SLC8A1: variants seen among roughly 807,000 people sequenced by gnomAD.
SLC8A1 encodes solute carrier family 8 member A1, also known as sodium/calcium exchanger 1.
SLC8A1 carries 18 observed loss-of-function variants against 68.3 expected under a neutral mutation model. That is an observed-to-expected ratio of 0.26 (90% CI 0.18 to 0.39). The LOEUF (loss-of-function observed/expected upper bound fraction) is 0.39. SLC8A1 is among the 10% of genes least tolerant of loss of function. The pLI, the probability that SLC8A1 is intolerant of heterozygous loss-of-function variation, is 1.00. For missense variants in SLC8A1, 985 were observed against 1,156.7 expected, an observed-to-expected ratio of 0.85 and a Z score of 2.15; for synonymous variants, 475 against 415.5, an observed-to-expected ratio of 1.14 and a Z score of -1.74.
At chr2:40,111,173 ACACT>A (rs1440946725) in exon 8 of SLC8A1, 1 of 152,178 alleles carries the variant, frequency 6.6e-6, no homozygotes, top group Non-Finnish European at 1.5e-5. Context: ...ATTTTATAAA[ACACT>A]CACTGGTTGA....
At chr2:40,104,057 T>C (rs2034055940) in exon 8 of SLC8A1, 1 of 152,232 alleles carries the variant, frequency 6.6e-6, no homozygotes. Context: ...TTCCTCACCC[T>C]CTGAAACAAT....
chr2:40,122,862 C>A (rs567583916), intron 7 of SLC8A1, among the ~76,000 whole-genome samples: 1 of 152,126 alleles, frequency 6.6e-6, no homozygotes, highest in African/African-American at 2.4e-5. Context: ...TGAATGTTTG[C>A]ACTTTATGGA....
intron 7 of SLC8A1, among the ~76,000 whole-genome samples, chr2:40,122,202 G>GTGCA (rs1558434198): frequency 1.0e-4 from 6 of 57,824 alleles, no homozygotes; most frequent in Non-Finnish European, 3.2e-4. Context: ...GTGCATGCGC[G>GTGCA]CGCGCACACA....
chr2:40,174,611 T>A (rs1262560642), intron 4 of SLC8A1, 95 bp downstream of exon 6: 1 of 1,162,654 alleles, frequency 8.6e-7, no homozygotes, highest in African/African-American at 1.6e-5. Flanking sequence ...TGTGCCACAG[T>A]TAAATATTAA....
chr2:40,245,005 G>C (rs1401351463), intron 2 of SLC8A1, among the ~76,000 whole-genome samples: 1 of 152,196 alleles, frequency 6.6e-6, no homozygotes, highest in East Asian at 1.9e-4. Flanking sequence ...AGTGTTCAAA[G>C]GTAGCTTCCT....
At chr2:40,429,883 G>A (rs1429606108) in exon 2 of SLC8A1, 1 of 1,613,500 alleles carries the variant, frequency 6.2e-7, no homozygotes, top group Non-Finnish European at 8.5e-7. Flanking sequence ...GTTAGAAACT[G>A]TTTCATTCCA....
rs187865668 is a variant in SLC8A1, at chr2:40,331,649, A to G, written c.1808+96824T>C. 8.4e-3 allele frequency among the ~76,000 whole-genome samples: 1,278 copies of G among 151,724 alleles called. 74 individuals carry two copies. The highest frequency in any genetic ancestry group is 0.076 in the Admixed American group (1,158 of 15,230). On this transcript the variant is annotated intron_variant, in intron 2 of 7. Transcript: ENST00000406785. ...CGCTCTGTCGCCCAGGCTAGGGTGC[A>G]ATGGTGCGATCTCGGCTCACTGCAA...
intron 2 of SLC8A1, among the ~76,000 whole-genome samples, chr2:40,348,659 C>G (rs1453384828): frequency 6.6e-6 from 1 of 152,114 alleles, no homozygotes; most frequent in Admixed American, 6.6e-5. Flanking sequence ...CTTGCAGAAC[C>G]TCTGCACTCC....
Position 40,167,724 on chromosome 2 carries a change from T to C in SLC8A1, c.1931-2740A>G, listed in dbSNP as rs185672215. Among the ~76,000 whole-genome samples, 3 of 152,304 alleles carry C rather than the reference T, an allele frequency of 2.0e-5. No individual in the cohort carries two copies. In the East Asian group the frequency reaches 5.8e-4, roughly 29 times the overall value. On this transcript the variant is annotated intron_variant, in intron 4 of 7. Coordinates refer to ENST00000406785, the Ensembl canonical transcript of SLC8A1. The stretch of plus-strand genomic sequence containing the variant: ...TCTTATCTTTCAAAACCCCACCTCT[T>C]CTGGCAGGAAATAACTCCCTATTGA...
intron 4 of SLC8A1, among the ~76,000 whole-genome samples, chr2:40,173,008 C>T (rs566216799): frequency 6.6e-6 from 1 of 152,144 alleles, no homozygotes; most frequent in African/African-American, 2.4e-5. Context: ...GTGTTTTTGA[C>T]GTGTGGCTAC....
chr2:40,200,647 G>T (rs1301796566), intron 2 of SLC8A1, among the ~76,000 whole-genome samples: 2 of 151,612 alleles, frequency 1.3e-5, no homozygotes, highest in Admixed American at 1.3e-4. Context: ...TCCTGAAAAT[G>T]CCAACAAGCA....
At chr2:40,384,395 A>G (rs906649940) in intron 2 of SLC8A1, among the ~76,000 whole-genome samples, 1 of 152,166 alleles carries the variant, frequency 6.6e-6, no homozygotes, top group African/African-American at 2.4e-5. Flanking sequence ...TGATGAAAAC[A>G]CAATGAGACA....
chr2:40,339,691 T>G (rs890884692), intron 2 of SLC8A1, among the ~76,000 whole-genome samples: 4 of 152,192 alleles, frequency 2.6e-5, no homozygotes, highest in South Asian at 2.1e-4. Flanking sequence ...ATAGGAAAAT[T>G]TGATTAAGTT....
At chr2:40,424,901 C>T (rs1455477249) in intron 2 of SLC8A1, among the ~76,000 whole-genome samples, 4 of 151,762 alleles carry the variant, frequency 2.6e-5, no homozygotes, top group Non-Finnish European at 5.9e-5. Flanking sequence ...TAATGTTAGA[C>T]CTTGAAATAC....
chr2:40,206,230 A>G (rs1269614204), intron 2 of SLC8A1, among the ~76,000 whole-genome samples: 1 of 152,070 alleles, frequency 6.6e-6, no homozygotes, highest in Admixed American at 6.6e-5. Context: ...CATGACAAAT[A>G]TCAGAACTGT....
intron 2 of SLC8A1, among the ~76,000 whole-genome samples, chr2:40,304,243 A>G (rs1043900442): frequency 1.3e-5 from 2 of 152,166 alleles, no homozygotes; most frequent in Non-Finnish European, 2.9e-5. Context: ...CAGCTAGTCC[A>G]TATTTGCCCT....
At chr2:40,299,215 T>C (rs150064915) in intron 2 of SLC8A1, among the ~76,000 whole-genome samples, 56 of 152,248 alleles carry the variant, frequency 3.7e-4, no homozygotes, top group African/African-American at 1.3e-3. Context: ...TGACTCTGTG[T>C]CACAAACCAT....
At chr2:40,185,285 G>A (rs766491604) in intron 2 of SLC8A1, among the ~76,000 whole-genome samples, 3 of 152,310 alleles carry the variant, frequency 2.0e-5, no homozygotes, top group African/African-American at 7.2e-5. Context: ...ACAAAAACTT[G>A]TGCATGAATT....
intron 2 of SLC8A1, among the ~76,000 whole-genome samples, chr2:40,194,738 T>C (rs1285295588): frequency 6.7e-6 from 1 of 150,102 alleles, no homozygotes; most frequent in Non-Finnish European, 1.5e-5. Context: ...AAGGGTTTGG[T>C]AGCAGCAATT....
Sources: gnomAD v4.1 joint callset for allele counts (sites outside exome capture counted in the v4.1 genomes callset) on GRCh38, gnomAD v4.1.1 for gene constraint, MANE v1.5 for transcripts, NCBI Gene and HGNC (gene_info 2026-07-23, HGNC 2026-07-21) for gene names.